Variants in FAAP20 observed in about 807,000 individuals in gnomAD.
The protein encoded by FAAP20 is FA core complex associated protein 20, also known as Fanconi anemia core complex-associated protein 20.
Under a neutral mutation model 16.2 loss-of-function variants are expected in FAAP20, and 12 were observed. The ratio of observed to expected loss-of-function variants is 0.74; its 90% CI spans 0.48 to 1.20. The LOEUF is 1.20. FAAP20 is among the 50% of genes most tolerant of loss of function. The pLI is 0.00. For synonymous variants in FAAP20, 141 were observed against 110.7 expected, an observed-to-expected ratio of 1.27 and a Z score of -1.72; for missense variants, 288 against 245.8, an observed-to-expected ratio of 1.17 and a Z score of -1.15.
chr1:2,209,527 C>T (rs1689379287), downstream of FAAP20, among the ~76,000 whole-genome samples: 1 of 152,256 alleles, frequency 6.6e-6, no homozygotes, highest in South Asian at 2.1e-4. Flanking sequence ...CACCCAGCGC[C>T]CTCAGGGCCC....
upstream of FAAP20, chr1:2,198,301 CA>C: frequency 3.1e-6 from 2 of 649,918 alleles, no homozygotes; most frequent in Non-Finnish European, 4.5e-6. Flanking sequence ...GCATCAGAGC[CA>C]CCCATCTCCT....
At chr1:2,201,219 G>A (rs781269986), upstream of FAAP20, 28 of 1,209,872 alleles carry the variant, frequency 2.3e-5, no homozygotes, top group Admixed American at 2.7e-4. Context: ...CGCCTCCCTC[G>A]CTGCCCCTGT....
downstream of FAAP20, among the ~76,000 whole-genome samples, chr1:2,188,505 G>A (rs1220740828): frequency 6.6e-6 from 1 of 152,206 alleles, no homozygotes; most frequent in Non-Finnish European, 1.5e-5. Flanking sequence ...CACGGTAGAA[G>A]GAGCAAGGGA....
chr1:2,195,087 C>T (rs899330109), upstream of FAAP20, among the ~76,000 whole-genome samples: 3 of 152,090 alleles, frequency 2.0e-5, no homozygotes, highest in Non-Finnish European at 2.9e-5. Context: ...CGGCTGCACC[C>T]AACAGCTCCC....
At chr1:2,191,243 G>A (rs1427724216) in intron 3 of FAAP20, 3 of 152,544 alleles carry the variant, frequency 2.0e-5, no homozygotes, top group African/African-American at 7.2e-5. Context: ...CCCGCCTGTG[G>A]CGGAAGAGCT....
At chr1:2,190,016 G>T (rs973217185) in intron 3 of FAAP20, 1 of 610,174 alleles carries the variant, frequency 1.6e-6, no homozygotes. Context: ...CGTCCGAGCT[G>T]GGGGTGGGGA....
At chr1:2,211,270 C>T (rs561081131), downstream of FAAP20, among the ~76,000 whole-genome samples, 16 of 134,916 alleles carry the variant, frequency 1.2e-4, no homozygotes, top group East Asian at 3.4e-3. Flanking sequence ...GCTCTTGTTG[C>T]CCTGGTTGGA....
chr1:2,211,191 G>A (rs1431404083), downstream of FAAP20, among the ~76,000 whole-genome samples: 2 of 151,242 alleles, frequency 1.3e-5, no homozygotes, highest in African/African-American at 4.9e-5. Flanking sequence ...GCCTCTCTTG[G>A]GAGCAAGTTT....
upstream of FAAP20, chr1:2,198,765 G>A: frequency 1.6e-6 from 2 of 1,288,172 alleles, no homozygotes; most frequent in South Asian, 1.2e-5. Context: ...TGCTGGCAAG[G>A]ACAGCCAAAA....
chr1:2,198,232 C>T (rs1448545802), upstream of FAAP20: 13 of 1,196,988 alleles, frequency 1.1e-5, no homozygotes, highest in African/African-American at 6.3e-5. Flanking sequence ...TACAAAAGAA[C>T]GTTTCAGCTG....
chr1:2,208,985 G>T (rs975467043), downstream of FAAP20, among the ~76,000 whole-genome samples: 3 of 152,208 alleles, frequency 2.0e-5, no homozygotes, highest in African/African-American at 7.2e-5. Context: ...CACAAAGCCC[G>T]GACCCCACTC....
intron 1 of FAAP20, 53 bp downstream of exon 1, chr1:2,194,635 A>G: frequency 3.1e-6 from 3 of 957,530 alleles, no homozygotes; most frequent in Non-Finnish European, 3.8e-6. Flanking sequence ...GGCGCCGGGA[A>G]GCACGTGGGA....
At chr1:2,190,357 C>T (rs1377227479) in intron 3 of FAAP20, 4 of 454,676 alleles carry the variant, frequency 8.8e-6, no homozygotes, top group East Asian at 7.0e-5. Context: ...CTCAGGAGGG[C>T]GCTGGCGCTG....
upstream of FAAP20, chr1:2,199,550 C>T (rs542698220): frequency 9.1e-5 from 90 of 985,798 alleles, no homozygotes; most frequent in South Asian, 6.6e-4. The surrounding 1 kb of genome is among the most constrained non-coding windows in gnomAD (Gnocchi z 4.5). Flanking sequence ...ACCAAGGAGC[C>T]GGTCAGGGAG....
downstream of FAAP20, chr1:2,186,933 CTT>C: frequency 3.8e-6 from 1 of 262,670 alleles, no homozygotes; most frequent in Non-Finnish European, 7.9e-6. Context: ...AGAGGGGAGA[CTT>C]TTATATTCAG....
downstream of FAAP20, among the ~76,000 whole-genome samples, chr1:2,186,502 C>CA (rs1358698998): frequency 2.7e-5 from 4 of 149,724 alleles, no homozygotes; most frequent in South Asian, 4.4e-4. Flanking sequence ...ACCCGCCCCC[C>CA]CCCGGCCAGC....
At chr1:2,189,011 G>GAAAAAAA (rs71578368), downstream of FAAP20, among the ~76,000 whole-genome samples, 2 of 105,912 alleles carry the variant, frequency 1.9e-5, no homozygotes, top group African/African-American at 6.8e-5. Context: ...TCTCAAAAAA[G>GAAAAAAA]AAAAAAAAAA....
chr1:2,195,371 G>A (rs1688768747), upstream of FAAP20, among the ~76,000 whole-genome samples: 1 of 152,220 alleles, frequency 6.6e-6, no homozygotes, highest in Admixed American at 6.5e-5. Context: ...GGCAGCAGCC[G>A]CCCAGGCACC....
At chr1:2,184,883 C>T, downstream of FAAP20, 3 of 1,557,036 alleles carry the variant, frequency 1.9e-6, no homozygotes. Context: ...GGAATGAACA[C>T]ACGGTCACCC....
Sources: gnomAD v4.1 joint callset for allele counts (sites outside exome capture counted in the v4.1 genomes callset) on GRCh38, gnomAD v4.1.1 for gene constraint, Gnocchi (gnomAD v3.1) non-coding constraint, MANE v1.5 for transcripts, NCBI Gene and HGNC (gene_info 2026-07-23, HGNC 2026-07-21) for gene names.